Variants in TRIM34 observed in about 807,000 individuals in gnomAD.
The protein encoded by TRIM34 is tripartite motif containing 34.
TRIM34 carries 41 observed loss-of-function variants against 38.1 expected under a neutral mutation model. The observed-to-expected ratio is 1.08, with a 90% CI of 0.84 to 1.40. The LOEUF is 1.40. TRIM34 is among the 40% of genes most tolerant of loss of function. TRIM34 has a pLI of 0.00. For synonymous variants in TRIM34, 200 were observed against 202.5 expected (o/e 0.99, Z 0.10); for missense variants, 556 against 571.4 (o/e 0.97, Z 0.27).
intron 4 of TRIM34, 108 bp from the exon 5 acceptor site, chr11:5,641,058 AT>A (rs1849986647): frequency 7.1e-7 from 1 of 1,414,594 alleles, no homozygotes; most frequent in Non-Finnish European, 9.3e-7. Context: ...ACATTTTCAT[AT>A]AACTCACTTC....
At chr11:5,633,047 C>T in intron 2 of TRIM34, among the ~76,000 whole-genome samples, 1 of 148,394 alleles carries the variant, frequency 6.7e-6, no homozygotes, top group Admixed American at 6.7e-5. Flanking sequence ...ACCATCTTGG[C>T]CAGGCTGGTC....
At chr11:5,621,154 C>A (rs776210352), upstream of TRIM34, among the ~76,000 whole-genome samples, 2 of 152,168 alleles carry the variant, frequency 1.3e-5, no homozygotes, top group Admixed American at 6.5e-5. Flanking sequence ...CCCAGTCACC[C>A]CTTTATTGCA....
chr11:5,644,226 G>A lies in TRIM34; in HGVS notation c.*517G>A, dbSNP rs1310872690. The A allele has an allele frequency of 5.0e-6, 2 of 398,734 alleles. No homozygotes were observed. Among genetic ancestry groups the A allele is most frequent in the Non-Finnish European group, 8.8e-6 (2 of 226,298 alleles). The allele number at this position is 398,734 out of a possible 1,614,324, so 24.7% of individuals were successfully genotyped here. A position where few individuals can be genotyped will look rare whatever the true frequency, so the allele number is the denominator to read the frequency against. ...TATTTGAGCTCAAACCTTGCCTGTT[G>A]TTTTCTAATCATGATGAATACTTTC... On this transcript the variant is annotated 3_prime_UTR_variant, in exon 8 of 8. Coordinates refer to ENST00000429814, the MANE Select transcript of TRIM34 (RefSeq NM_021616.6).
At chr11:5,626,852 A>C (rs532064109) in intron 1 of TRIM34, 1 of 151,800 alleles carries the variant, frequency 6.6e-6, no homozygotes, top group East Asian at 1.9e-4. Flanking sequence ...ATTGTACTCC[A>C]GCCTGGGGGA....
chr11:5,637,578 A>T (rs572295833), intron 4 of TRIM34, among the ~76,000 whole-genome samples: 76 of 152,338 alleles, frequency 5.0e-4, no homozygotes, highest in African/African-American at 1.8e-3. Context: ...ACTATTATTT[A>T]AAATTTTTTT....
intron 5 of TRIM34, among the ~76,000 whole-genome samples, chr11:5,642,097 A>T (rs1850038570): frequency 6.6e-6 from 1 of 152,176 alleles, no homozygotes; most frequent in African/African-American, 2.4e-5. Context: ...GTCTTTTCCT[A>T]TCGTTTTATC....
chr11:5,630,023 G>A (rs917219660), intron 1 of TRIM34, among the ~76,000 whole-genome samples: 2 of 152,014 alleles, frequency 1.3e-5, no homozygotes, highest in South Asian at 2.1e-4. Flanking sequence ...GGATTCTTAC[G>A]GTGGTACAAG....
Position 5,627,522 on chromosome 11 carries a change from C to T in TRIM34, c.-78+2462C>T, listed in dbSNP as rs570086964. Among the ~76,000 whole-genome samples the T allele has an allele frequency of 2.8e-4, 42 of 152,234 alleles. No homozygotes were observed. The South Asian group carries it at 8.1e-3, about 29-fold the overall frequency. On this transcript the variant is annotated intron_variant, in intron 1 of 7. Transcript: ENST00000429814. ...AAAAAACTCTTTCAGCATATTCTCA[C>T]GAAGTAACAGACAGAAAAAGACATT...
chr11:5,643,462 A>G lies in TRIM34; in HGVS notation c.1220A>G (p.Lys407Arg). The G allele has an allele frequency of 6.2e-7, 1 of 1,614,190 alleles. No individual in the cohort carries two copies. The highest frequency in any genetic ancestry group is 1.1e-5 in the South Asian group (1 of 91,088). Residue 407 changes from lysine (K) to arginine (R), a missense_variant, in exon 8 of 8, where the codon AAG becomes AGG. Physicochemically the swap from Lys to Arg is conservative, Grantham distance 26. Transcript: ENST00000429814. ...GTTATAGGGTTACAGAATAAATGTA[A>G]GTATGGTGTCTTTGAAGAGTCTTTG... ...YWVIGLQNKC[K>R]YGVFEESLSS...
At chr11:5,636,123 C>T (rs1205913001) in intron 4 of TRIM34, among the ~76,000 whole-genome samples, 1 of 152,134 alleles carries the variant, frequency 6.6e-6, no homozygotes, top group Non-Finnish European at 1.5e-5. Flanking sequence ...TAAAACAACT[C>T]GTATCTCCTT....
At chr11:5,638,898 G>A (rs1026176903) in intron 4 of TRIM34, among the ~76,000 whole-genome samples, 2 of 152,160 alleles carry the variant, frequency 1.3e-5, no homozygotes, top group Non-Finnish European at 2.9e-5. Flanking sequence ...GACCAACTCA[G>A]AGTTACAAAG....
chr11:5,630,845 C>T (rs923936746), intron 1 of TRIM34, among the ~76,000 whole-genome samples: 1 of 152,170 alleles, frequency 6.6e-6, no homozygotes, highest in Non-Finnish European at 1.5e-5. Flanking sequence ...CTGGCTAATA[C>T]CATCTGTTCA....
At chr11:5,635,458 G>A (rs7928147) in intron 4 of TRIM34, among the ~76,000 whole-genome samples, 6,193 of 151,942 alleles carry the variant, frequency 0.041, 401 homozygotes, top group African/African-American at 0.14. Flanking sequence ...GGGTTTCACC[G>A]TGCTAGCCAG....
intron 1 of TRIM34, among the ~76,000 whole-genome samples, chr11:5,630,143 G>C (rs1747132916): frequency 6.6e-6 from 1 of 152,158 alleles, no homozygotes; most frequent in Admixed American, 6.5e-5. Flanking sequence ...GGGCCCTACA[G>C]AGAATATTTT....
In TRIM34 at chr11:5,631,759, GT is replaced by G. The variant is rs571100340; in HGVS notation, c.-77-488del. On this transcript the variant is annotated intron_variant, in intron 1 of 7. Coordinates refer to ENST00000429814, the MANE Select transcript of TRIM34 (RefSeq NM_021616.6). The stretch of plus-strand genomic sequence containing the variant: ...TAGTCATCTGTGGAGAGACAGGGAA[GT>G]TTTTTTTATATGTTTATCAAACATT... Among the ~76,000 whole-genome samples the G allele has an allele frequency of 3.2e-3, 492 of 152,158 alleles. 2 individuals are homozygous for G. The highest frequency in any genetic ancestry group is 0.012 in the African/African-American group (478 of 41,506).
chr11:5,641,227 T>C (rs760122025), intron 5 of TRIM34, 38 bp downstream of exon 5: 5 of 1,613,848 alleles, frequency 3.1e-6, no homozygotes, highest in South Asian at 1.1e-5. Flanking sequence ...TTGTGAGTTA[T>C]AAAGAAGTGT....
chr11:5,634,831 G>A lies in TRIM34; in HGVS notation c.720G>A (p.Arg240=), dbSNP rs753302972. ...VRELISDVEC[R]SQWSTMELLQ... is the part of the protein sequence containing the mutation. ...AGCTCATCTCAGATGTGGAGTGTCG[G>A]AGTCAGTGGTCAACAATGGAGCTGC... Residue 240 remains arginine (R), a synonymous_variant, in exon 4 of 8, where the codon CGG becomes CGA. Transcript: ENST00000429814. 6.2e-7 allele frequency: 1 copy of A among 1,613,196 alleles called. No homozygotes were observed. Among genetic ancestry groups the A allele is most frequent in the South Asian group, 1.1e-5 (1 of 91,030 alleles).
chr11:5,632,822 CTTT>C (rs878895848), intron 2 of TRIM34, 68 bp downstream of exon 2: 18,589 of 956,554 alleles, frequency 0.019, no homozygotes, highest in East Asian at 0.031. Flanking sequence ...CCTTTTCATC[CTTT>C]TTTTTTTTTT....
intron 1 of TRIM34, among the ~76,000 whole-genome samples, chr11:5,629,553 C>T (rs1849388245): frequency 6.6e-6 from 1 of 152,210 alleles, no homozygotes; most frequent in Non-Finnish European, 1.5e-5. Flanking sequence ...CATGCCACTA[C>T]TCTGTGGTAC....
Sources: allele counts gnomAD v4.1 joint callset (sites outside exome capture counted in the v4.1 genomes callset), GRCh38; gene constraint gnomAD v4.1.1; transcripts MANE v1.5; gene names NCBI Gene and HGNC (gene_info 2026-07-23, HGNC 2026-07-21).